GPRC5B: variants seen among roughly 807,000 people sequenced by gnomAD.
GPRC5B encodes G protein-coupled receptor class C group 5 member B.
Under a neutral mutation model 30.1 loss-of-function variants are expected in GPRC5B, and 16 were observed. The observed-to-expected ratio is 0.53, with a 90% CI of 0.36 to 0.81. The LOEUF (loss-of-function observed/expected upper bound fraction) is 0.81, where lower values mean the gene tolerates loss of function less well. Among genes scored for constraint, GPRC5B ranks in the 30% least tolerant of loss-of-function variants. The pLI is 0.01. For synonymous variants in GPRC5B, 241 were observed against 239.5 expected, an observed-to-expected ratio of 1.01 and a Z score of -0.06; for missense variants, 428 against 544.7, an observed-to-expected ratio of 0.79 and a Z score of 2.13.
Position 19,860,256 on chromosome 16 carries a change from G to A in GPRC5B, c.*244C>T, listed in dbSNP as rs956651819. 2.0e-5 allele frequency: 10 copies of A among 499,230 alleles called. No individual in the cohort carries two copies. Among genetic ancestry groups the A allele is most frequent in the African/African-American group, 3.9e-5 (2 of 51,042 alleles). 30.9% of individuals were successfully genotyped at this position (499,230 alleles called of 1,614,324 possible). A position where few individuals can be genotyped will look rare whatever the true frequency, so the allele number is the denominator to read the frequency against. ...CAATTAGCTTTGCTTTAGTTTGCGG[G>A]GATTGAGGTTGGTCTGGTATTACGT... On this transcript the variant is annotated 3_prime_UTR_variant, in exon 4 of 4. Transcript: ENST00000300571.
chr16:19,864,905 G>A (rs995529704), intron 2 of GPRC5B, among the ~76,000 whole-genome samples: 6 of 148,212 alleles, frequency 4.0e-5, no homozygotes, highest in Non-Finnish European at 5.9e-5. Flanking sequence ...AGCTTTGCCC[G>A]GTCTCATTTT....
At chr16:19,876,256 G>A (rs1324296306) in intron 1 of GPRC5B, among the ~76,000 whole-genome samples, 2 of 152,188 alleles carry the variant, frequency 1.3e-5, no homozygotes, top group East Asian at 1.9e-4. Flanking sequence ...AGACATTTTC[G>A]GTTGTCACAA....
At position 19,861,888 on chromosome 16, in the gene GPRC5B, T is replaced by A; in HGVS notation, c.1116A>T (p.Arg372Ser). ...TCTCAGTTGGCTGATACACGTTGCT[T>A]CTAAACGGAGCGCTGGGTCTTTTCC... Reference protein sequence around the residue: ...SLGKRPSAPFRSNVYQPTEMA... With the variant: ...SLGKRPSAPFSSNVYQPTEMA... The change falls in exon 3 of 4, where the codon AGA becomes AGT. Residue 372 changes from arginine (R) to serine (S), a missense_variant. By Grantham distance (110) the Arg-to-Ser change is moderately radical. Around this residue, in one of 3 missense-constraint regions of GPRC5B, gnomAD observed 213 missense variants for 229.1 expected, o/e 0.93. Transcript: ENST00000300571. 1 of 1,613,378 alleles carries A rather than the reference T, an allele frequency of 6.2e-7. No homozygotes were observed. The highest frequency in any genetic ancestry group is 8.5e-7 in the Non-Finnish European group (1 of 1,179,514).
intron 2 of GPRC5B, among the ~76,000 whole-genome samples, chr16:19,869,814 G>A (rs2056699190): frequency 6.6e-6 from 1 of 152,172 alleles, no homozygotes; most frequent in Admixed American, 6.5e-5. Context: ...GCTCATGCCT[G>A]TAATCGCAGC....
intron 1 of GPRC5B, among the ~76,000 whole-genome samples, chr16:19,881,508 G>A (rs546549568): frequency 1.3e-5 from 2 of 152,330 alleles, no homozygotes; most frequent in African/African-American, 2.4e-5. Flanking sequence ...ATGGCCAGGC[G>A]CGGTGGCTCA....
chr16:19,863,784 A>T (rs959253362), intron 2 of GPRC5B, among the ~76,000 whole-genome samples: 1 of 152,040 alleles, frequency 6.6e-6, no homozygotes, highest in African/African-American at 2.4e-5. Flanking sequence ...TACAGGCATG[A>T]GTCACTGTGC....
rs565240223 is a variant in GPRC5B, at chr16:19,866,087, C to T, written c.1031-4114G>A. Among the ~76,000 whole-genome samples the T allele has an allele frequency of 8.5e-5, 13 of 152,198 alleles. No individual in the cohort carries two copies. The East Asian group carries it at 9.7e-4, about 11-fold the overall frequency. On this transcript the variant is annotated intron_variant, in intron 2 of 3. Transcript: ENST00000300571. Reference sequence around the variant, plus strand: ...GATTACAGGCATGCGCCACCACGCCCGGCTAATTTTTTTGTACTTCTAGTA... The same window carrying T: ...GATTACAGGCATGCGCCACCACGCCTGGCTAATTTTTTTGTACTTCTAGTA...
intron 1 of GPRC5B, among the ~76,000 whole-genome samples, chr16:19,884,485 C>T (rs1049014934): frequency 1.1e-4 from 17 of 151,190 alleles, no homozygotes; most frequent in African/African-American, 4.1e-4. Flanking sequence ...CTCCCTCCCC[C>T]CGTAAAGGTC....
intron 3 of GPRC5B, 23 bp downstream of exon 3, chr16:19,861,814 C>CCA: frequency 1.2e-6 from 2 of 1,608,138 alleles, no homozygotes; most frequent in Non-Finnish European, 1.7e-6. Context: ...CTTCCTACCC[C>CCA]CACATCACAT....
intron 2 of GPRC5B, among the ~76,000 whole-genome samples, chr16:19,862,529 C>T (rs922975479): frequency 8.6e-5 from 13 of 151,996 alleles, no homozygotes; most frequent in African/African-American, 3.1e-4. Context: ...ACCGGTGTTT[C>T]TTATTTACTG....
chr16:19,871,863 C>G lies in GPRC5B; in HGVS notation c.983G>C (p.Arg328Pro). Reference protein sequence around the residue: ...TAFEEDVQLPRAYMENKAFSM... With the variant: ...TAFEEDVQLPPAYMENKAFSM... The stretch of plus-strand genomic sequence containing the variant: ...GAAGGCCTTGTTCTCCATATAGGCC[C>G]GCGGCAGCTGCACGTCCTCCTCGAA... The change falls in exon 2 of 4, where the codon CGG becomes CCG. Residue 328 changes from arginine (R) to proline (P), a missense_variant. Arg to Pro is a moderately radical substitution (Grantham distance 103). This residue lies in a region of GPRC5B where 213 missense variants were observed against 229.1 expected (regional missense o/e 0.93). Transcript: ENST00000300571. The G allele has an allele frequency of 6.2e-7, 1 of 1,614,048 alleles. No individual in the cohort carries two copies. Among genetic ancestry groups the G allele is most frequent in the Non-Finnish European group, 8.5e-7 (1 of 1,180,040 alleles).
At chr16:19,862,803 G>C (rs13330651) in intron 2 of GPRC5B, among the ~76,000 whole-genome samples, 3,081 of 152,184 alleles carry the variant, frequency 0.02, 79 homozygotes, top group African/African-American at 0.068. Context: ...TGTAATCCCA[G>C]CTACTCGGGA....
intron 1 of GPRC5B, among the ~76,000 whole-genome samples, chr16:19,875,580 C>G (rs2056754311): frequency 6.6e-6 from 1 of 152,108 alleles, no homozygotes; most frequent in Non-Finnish European, 1.5e-5. Context: ...GAGTTTGAGA[C>G]CAGCCTGGCC....
At chr16:19,875,978 C>G (rs956511223) in intron 1 of GPRC5B, among the ~76,000 whole-genome samples, 4 of 152,104 alleles carry the variant, frequency 2.6e-5, no homozygotes, top group South Asian at 2.1e-4. Flanking sequence ...AGTCCCCGAC[C>G]CAGTGGAGGG....
At chr16:19,885,093 G>A, upstream of GPRC5B, 1 of 839,792 alleles carries the variant, frequency 1.2e-6, no homozygotes, top group Non-Finnish European at 1.7e-6. This position sits in a 1 kb window ranked among gnomAD's most constrained non-coding sequence, Gnocchi z 5.3. Flanking sequence ...CCCCCAATTC[G>A]GGGACATTCC....
chr16:19,865,310 G>C (rs2056657631), intron 2 of GPRC5B, among the ~76,000 whole-genome samples: 1 of 152,136 alleles, frequency 6.6e-6, no homozygotes, highest in South Asian at 2.1e-4. Context: ...TGGAGAGATG[G>C]GGCTTCGATG....
intron 2 of GPRC5B, among the ~76,000 whole-genome samples, chr16:19,863,166 C>CTT (rs112756309): frequency 1.5e-4 from 21 of 144,650 alleles, no homozygotes; most frequent in Middle Eastern, 3.6e-3. Flanking sequence ...ACGATAGCTA[C>CTT]TTTTTTTTTT....
At chr16:19,866,574 G>A (rs1240855763) in intron 2 of GPRC5B, among the ~76,000 whole-genome samples, 2 of 151,780 alleles carry the variant, frequency 1.3e-5, no homozygotes, top group Non-Finnish European at 2.9e-5. Context: ...AGACAGGGGT[G>A]TCGCCACGTT....
chr16:19,879,509 G>T (rs74766298), intron 1 of GPRC5B, among the ~76,000 whole-genome samples: 9,855 of 152,050 alleles, frequency 0.065, 557 homozygotes, highest in East Asian at 0.29. Context: ...TGGAGGAACA[G>T]CACACTCTAT....
Sources: allele counts gnomAD v4.1 joint callset (sites outside exome capture counted in the v4.1 genomes callset), GRCh38; gene constraint gnomAD v4.1.1; regional missense constraint gnomAD v4.1.1; non-coding constraint Gnocchi (gnomAD v3.1); transcripts MANE v1.5; gene names NCBI Gene and HGNC (gene_info 2026-07-23, HGNC 2026-07-21).